Variants in WDPCP observed in about 807,000 individuals in gnomAD.
WDPCP encodes WD repeat containing planar cell polarity effector.
A neutral mutation model predicts 93.1 loss-of-function variants in WDPCP; 71 were observed. The observed-to-expected ratio is 0.76, with a 90% CI of 0.63 to 0.93. The LOEUF is 0.93. WDPCP is among the 40% of genes least tolerant of loss of function. The pLI is 0.00. For missense variants in WDPCP, 844 were observed against 887.4 expected (o/e 0.95, Z 0.62); for synonymous variants, 315 against 315.0 (o/e 1.00, Z 0.00).
intron 2 of WDPCP, among the ~76,000 whole-genome samples, chr2:63,801,729 G>A (rs1168653471): frequency 1.3e-5 from 2 of 152,122 alleles, no homozygotes; most frequent in East Asian, 1.9e-4. Context: ...TGATTGGTGC[G>A]TTTTACAATC....
chr2:63,189,687 T>C (rs767278385), intron 14 of WDPCP, among the ~76,000 whole-genome samples: 2 of 152,234 alleles, frequency 1.3e-5, no homozygotes, highest in Non-Finnish European at 2.9e-5. Flanking sequence ...CTTACTGTTA[T>C]TGAATTTCTT....
chr2:63,512,256 T>C (rs1005448922), intron 1 of WDPCP, among the ~76,000 whole-genome samples: 1 of 151,702 alleles, frequency 6.6e-6, no homozygotes. Flanking sequence ...TACTAGAGAG[T>C]ATGTGGAGAA....
intron 1 of WDPCP, among the ~76,000 whole-genome samples, chr2:63,572,713 A>AAAAAAAAAAAAAAC (rs1707618360): frequency 6.8e-6 from 1 of 146,628 alleles, no homozygotes; most frequent in Non-Finnish European, 1.5e-5. Flanking sequence ...AAAAAAAAAA[A>AAAAAAAAAAAAAAC]AAAAAAAAAA....
At chr2:63,702,871 C>A (rs1004500108) in intron 2 of WDPCP, among the ~76,000 whole-genome samples, 1 of 151,878 alleles carries the variant, frequency 6.6e-6, no homozygotes, top group Non-Finnish European at 1.5e-5. Context: ...TCCCTCCCCT[C>A]TCCCCCCACC....
chr2:63,801,180 T>G (rs1670688689), intron 2 of WDPCP, among the ~76,000 whole-genome samples: 1 of 152,192 alleles, frequency 6.6e-6, no homozygotes. Context: ...AACTTTGCAG[T>G]CAATCTGTCA....
At chr2:63,527,111 T>A (rs1319801509) in intron 1 of WDPCP, among the ~76,000 whole-genome samples, 1 of 152,156 alleles carries the variant, frequency 6.6e-6, no homozygotes, top group Non-Finnish European at 1.5e-5. Context: ...TCTAGAAGTC[T>A]CTCACATTCC....
chr2:63,357,158 C>T (rs1427390078), intron 12 of WDPCP, among the ~76,000 whole-genome samples: 2 of 152,096 alleles, frequency 1.3e-5, no homozygotes, highest in African/African-American at 2.4e-5. Flanking sequence ...AAACCTAAAA[C>T]TATAAAAACC....
In WDPCP at chr2:63,486,583, G is replaced by A. The variant is rs752047428; in HGVS notation, c.212C>T (p.Thr71Ile). ...QYYDKKDPPATEHGNLEKKQK... is the reference protein window; with the variant it reads ...QYYDKKDPPAIEHGNLEKKQK... ...CTTCTTTTCTAAGTTACCATGCTCT[G>A]TCGCTGATATTGTGGCAGAAGGGAT... Residue 71 changes from threonine to isoleucine, a missense_variant, in exon 4 of 18, where the codon ACA becomes ATA. Coordinates refer to ENST00000272321, the MANE Select transcript of WDPCP (RefSeq NM_015910.7). 2 of 1,574,646 alleles carry A rather than the reference G, an allele frequency of 1.3e-6. No individual in the cohort carries two copies. The highest frequency in any genetic ancestry group is 4.7e-5 in the East Asian group (2 of 42,784).
In WDPCP at chr2:63,693,882, T is replaced by G. The variant is rs187349700; in HGVS notation, n.309-43044A>C. The stretch of plus-strand genomic sequence containing the variant: ...GCAATTGTATACATCATTTATTGAT[T>G]AATGGACCATTCACTAATGCTTATG... On this transcript the variant is annotated intron_variant and non_coding_transcript_variant, in intron 2 of 4. Coordinates refer to the WDPCP transcript ENST00000467687. Among the ~76,000 whole-genome samples, 3 of 152,338 alleles carry G rather than the reference T, an allele frequency of 2.0e-5. No individual in the cohort carries two copies. The East Asian group carries it at 5.8e-4, about 29-fold the overall frequency.
At chr2:63,277,185 T>C (rs949454359) in intron 13 of WDPCP, among the ~76,000 whole-genome samples, 7 of 151,328 alleles carry the variant, frequency 4.6e-5, no homozygotes, top group Non-Finnish European at 7.4e-5. Context: ...GCTGAGAGAA[T>C]TCGCCACTAC....
At chr2:63,764,570 G>C (rs1248867902) in intron 2 of WDPCP, among the ~76,000 whole-genome samples, 1 of 152,142 alleles carries the variant, frequency 6.6e-6, no homozygotes, top group Non-Finnish European at 1.5e-5. Flanking sequence ...GATATGGTAA[G>C]TGATTAAAAA....
At chr2:63,419,284 G>C (rs189323175) in intron 9 of WDPCP, among the ~76,000 whole-genome samples, 3 of 151,664 alleles carry the variant, frequency 2.0e-5, no homozygotes, top group Admixed American at 6.6e-5. Context: ...TGGGATTACA[G>C]GCACCCACCA....
At chr2:63,550,452 T>C (rs1705520177) in intron 1 of WDPCP, among the ~76,000 whole-genome samples, 1 of 152,174 alleles carries the variant, frequency 6.6e-6, no homozygotes, top group Non-Finnish European at 1.5e-5. Flanking sequence ...TCCTATTATT[T>C]GACACTGTTA....
chr2:63,360,813 T>C (rs1197092958), intron 12 of WDPCP, among the ~76,000 whole-genome samples: 1 of 152,218 alleles, frequency 6.6e-6, no homozygotes, highest in Non-Finnish European at 1.5e-5. Flanking sequence ...CCATTCCAGC[T>C]GCAGGTCTTT....
intron 14 of WDPCP, among the ~76,000 whole-genome samples, chr2:63,234,631 A>AACATTAAAGAAGAATCATTTTTC (rs1364642371): frequency 6.6e-6 from 1 of 152,224 alleles, no homozygotes; most frequent in Non-Finnish European, 1.5e-5. Flanking sequence ...ACAGGTGATA[A>AACATTAAAGAAGAATCATTTTTC]ACATTAAAGA....
chr2:63,274,039 C>A (rs376509191), intron 13 of WDPCP, among the ~76,000 whole-genome samples: 7 of 152,200 alleles, frequency 4.6e-5, no homozygotes, highest in African/African-American at 1.7e-4. Context: ...TCAACAGTTA[C>A]GAAATATGTA....
intron 9 of WDPCP, among the ~76,000 whole-genome samples, chr2:63,407,435 A>G (rs1694677013): frequency 6.6e-6 from 1 of 152,180 alleles, no homozygotes; most frequent in Admixed American, 6.5e-5. Flanking sequence ...TGAACAAAGG[A>G]GGGACATGAT....
At chr2:63,286,175 A>C (rs912692167) in intron 13 of WDPCP, among the ~76,000 whole-genome samples, 1 of 152,052 alleles carries the variant, frequency 6.6e-6, no homozygotes, top group Non-Finnish European at 1.5e-5. Flanking sequence ...TCAAATTTTT[A>C]AATTTTCTAA....
At chr2:63,785,794 C>G (rs192580980) in intron 2 of WDPCP, among the ~76,000 whole-genome samples, 32 of 152,214 alleles carry the variant, frequency 2.1e-4, no homozygotes, top group African/African-American at 7.0e-4. Flanking sequence ...GATTTAACAT[C>G]TAGTTTTTAT....
Sources: allele counts gnomAD v4.1 joint callset (sites outside exome capture counted in the v4.1 genomes callset), GRCh38; gene constraint gnomAD v4.1.1; transcripts MANE v1.5; gene names NCBI Gene and HGNC (gene_info 2026-07-23, HGNC 2026-07-21).